RPS6KA2: variants seen among roughly 807,000 people sequenced by gnomAD.
RPS6KA2 encodes the protein ribosomal protein S6 kinase alpha-2.
In RPS6KA2, 42 loss-of-function variants were observed where a neutral mutation model predicts 91.8. The ratio of observed to expected loss-of-function variants is 0.46; its 90% CI spans 0.36 to 0.59. The LOEUF is 0.59. Ranked by LOEUF, RPS6KA2 falls within the 20% of genes least tolerant of loss-of-function variation. RPS6KA2 has a pLI of 0.00. For synonymous variants in RPS6KA2, 414 were observed against 393.6 expected (o/e 1.05, Z -0.61); for missense variants, 798 against 978.5 (o/e 0.82, Z 2.46).
Position 166,416,906 on chromosome 6 carries a change from T to A in RPS6KA2, c.1938+1319A>T, listed in dbSNP as rs562881838. On this transcript the variant is annotated intron_variant, in intron 19 of 20. Coordinates refer to ENST00000265678, the MANE Select transcript of RPS6KA2 (RefSeq NM_021135.6). ...ATTCCCGCCATTACCTCCACCATCA[T>A]CTCTACAATCATCACCTCCACGCTC... is the stretch of plus-strand genomic sequence containing the variant. 2.6e-5 allele frequency among the ~76,000 whole-genome samples: 4 copies of A among 152,236 alleles called. No homozygotes were observed. The East Asian group carries it at 7.7e-4, about 29-fold the overall frequency.
intron 10 of RPS6KA2, among the ~76,000 whole-genome samples, chr6:166,473,691 C>T (rs1172375173): frequency 6.6e-6 from 1 of 152,134 alleles, no homozygotes; most frequent in Non-Finnish European, 1.5e-5. Flanking sequence ...GTTTGGGACT[C>T]CTTTGCAATA....
intron 2 of RPS6KA2, among the ~76,000 whole-genome samples, chr6:166,817,197 G>A (rs1187489182): frequency 1.1e-5 from 1 of 88,384 alleles, no homozygotes; most frequent in Non-Finnish European, 3.2e-5. Flanking sequence ...TTCTTCCCCT[G>A]CTGCTCCCCC....
intron 2 of RPS6KA2, among the ~76,000 whole-genome samples, chr6:166,778,984 G>C (rs1778696821): frequency 6.6e-6 from 1 of 152,254 alleles, no homozygotes; most frequent in Admixed American, 6.5e-5. Flanking sequence ...GTCGATAGCA[G>C]ATTAACTTGA....
At chr6:166,740,161 T>G (rs1249283454) in intron 2 of RPS6KA2, among the ~76,000 whole-genome samples, 1 of 152,146 alleles carries the variant, frequency 6.6e-6, no homozygotes, top group East Asian at 1.9e-4. Context: ...GTGACTAGGG[T>G]GTGGTCTGAC....
rs1788683075 is a variant in RPS6KA2 at position 166,678,513 on chromosome 6, TTC to T, written c.124-139731_124-139730del. 1.3e-5 allele frequency among the ~76,000 whole-genome samples: 2 copies of T among 152,290 alleles called. 1 individual carries two copies. Among genetic ancestry groups the T allele is most frequent in the South Asian group, 4.1e-4 (2 of 4,830 alleles). ...AAACTCAGTTTCCTGCCTTCAATCCTTCTCTCTTTTATTTCACAGAAGGAACT... is the reference window on the plus strand; with the variant it reads ...AAACTCAGTTTCCTGCCTTCAATCCTTCTCTTTTATTTCACAGAAGGAACT... On this transcript the variant is annotated intron_variant, in intron 2 of 21. Transcript: ENST00000503859.
chr6:166,760,217 C>T (rs1163900178), intron 2 of RPS6KA2, among the ~76,000 whole-genome samples: 2 of 152,116 alleles, frequency 1.3e-5, no homozygotes, highest in South Asian at 2.1e-4. Flanking sequence ...TGGGGAATGG[C>T]GATTTGGAGA....
rs1410991309 is a variant in RPS6KA2, at chr6:166,702,116, C to G, written c.123+156084G>C. 45 of 1,518,342 alleles carry G rather than the reference C, an allele frequency of 3.0e-5. No individual in the cohort carries two copies. In the East Asian group the frequency reaches 9.5e-4, roughly 32 times the overall value. 94.1% of individuals were successfully genotyped at this position (1,518,342 alleles called of 1,614,324 possible). On this transcript the variant is annotated intron_variant, in intron 2 of 21. Coordinates refer to the RPS6KA2 transcript ENST00000503859. Reference sequence around the variant, plus strand: ...GATAGTAATCGACTTCTCAGCAGCCCCTGCATTTTCTTTACGGTGGACATC... The same window carrying G: ...GATAGTAATCGACTTCTCAGCAGCCGCTGCATTTTCTTTACGGTGGACATC...
intron 2 of RPS6KA2, among the ~76,000 whole-genome samples, chr6:166,841,317 A>G (rs1159593760): frequency 2.6e-5 from 4 of 152,242 alleles, no homozygotes; most frequent in African/African-American, 9.6e-5. Flanking sequence ...AAGATACTGC[A>G]TTCTAGTAAG....
rs751385395 is a variant in RPS6KA2 at position 166,412,842 on chromosome 6, C to T, written c.2122G>A (p.Ala708Thr). ...GACAGCACGGGCTCCAGCCGCGGGG[C>T]CTGAGGTGTTCTGTTTAGAGCAAAG... is the stretch of plus-strand genomic sequence containing the variant. ...TYFALNRTPQ[A>T]PRLEPVLSSN... Residue 708 changes from alanine (A) to threonine (T), a missense_variant, in exon 21 of 21, where the codon GCC (alanine) becomes ACC (threonine). Ala to Thr is a moderately conservative substitution (Grantham distance 58, BLOSUM62 0). Transcript: ENST00000265678. The surrounding 1 kb of genome is among the most constrained non-coding windows in gnomAD (Gnocchi z 4.3). 7.0e-6 allele frequency: 11 copies of T among 1,571,400 alleles called. No homozygotes were observed. Among genetic ancestry groups the T allele is most frequent in the African/African-American group, 4.0e-5 (3 of 74,388 alleles).
intron 2 of RPS6KA2, among the ~76,000 whole-genome samples, chr6:166,760,470 C>T (rs79632164): frequency 6.6e-6 from 1 of 152,188 alleles, no homozygotes; most frequent in South Asian, 2.1e-4. Flanking sequence ...GATCATCGCA[C>T]AGAGTATGTG....
At chr6:166,753,292 C>G (rs1342168512) in intron 2 of RPS6KA2, among the ~76,000 whole-genome samples, 4 of 152,230 alleles carry the variant, frequency 2.6e-5, no homozygotes, top group African/African-American at 7.2e-5. Context: ...TCTGCTTATA[C>G]AGCAGCACTC....
rs563166079 is a variant in RPS6KA2, at chr6:166,507,390, C to CACACACACA, written c.459+812_459+813insTGTGTGTGT. On this transcript the variant is annotated intron_variant, in intron 5 of 20. Coordinates refer to ENST00000265678, the MANE Select transcript of RPS6KA2 (RefSeq NM_021135.6). ...CCAACACACACACACACACACACACCCACCCCACATCACACATAGCACACA... is the reference window on the plus strand; with the variant it reads ...CCAACACACACACACACACACACACCACACACACACACCCCACATCACACATAGCACACA... 4.8e-5 allele frequency among the ~76,000 whole-genome samples: 7 copies of CACACACACA among 146,514 alleles called. No individual in the cohort carries two copies. The East Asian group carries it at 1.0e-3, about 21-fold the overall frequency.
Position 166,625,054 on chromosome 6 carries a change from G to C in RPS6KA2, c.99+1867C>G, listed in dbSNP as rs562903367. Among the ~76,000 whole-genome samples the C allele has an allele frequency of 2.0e-5, 3 of 152,072 alleles. No homozygotes were observed. In the East Asian group the frequency reaches 5.8e-4, roughly 29 times the overall value. ...TCTCCATGTTGGCCAGAATGGTCTC[G>C]ATCTCCTGACCTCATAATCCGCCCG... On this transcript the variant is annotated intron_variant, in intron 1 of 20. Coordinates refer to ENST00000265678, the MANE Select transcript of RPS6KA2 (RefSeq NM_021135.6).
chr6:166,639,502 A>G lies in RPS6KA2; in HGVS notation c.124-100718T>C, dbSNP rs1054685151. 6.6e-6 allele frequency among the ~76,000 whole-genome samples: 1 copy of G among 152,204 alleles called. No individual in the cohort carries two copies. Among genetic ancestry groups the G allele is most frequent in the Admixed American group, 6.5e-5 (1 of 15,282 alleles). On this transcript the variant is annotated intron_variant, in intron 2 of 21. Coordinates refer to the RPS6KA2 transcript ENST00000503859. This position sits in a 1 kb window ranked among gnomAD's most constrained non-coding sequence, Gnocchi z 4.2. ...ATCCTTCTAGAAGCGAATCTGGTTC[A>G]GTTACCCCAGGGCATGCATAGCTCC...
Position 166,419,187 on chromosome 6 carries a change from C to A in RPS6KA2, c.1820+695G>T, listed in dbSNP as rs573991962. 1.3e-5 allele frequency among the ~76,000 whole-genome samples: 2 copies of A among 152,186 alleles called. No homozygotes were observed. The highest frequency in any genetic ancestry group is 4.8e-5 in the African/African-American group (2 of 41,440). Reference sequence around the variant, plus strand: ...CCATTTTGCTACAGCAAACAGGATTCGATGGTCTAGGGTTCTTTTCTTTTT... The same window carrying A: ...CCATTTTGCTACAGCAAACAGGATTAGATGGTCTAGGGTTCTTTTCTTTTT... On this transcript the variant is annotated intron_variant, in intron 18 of 20. Coordinates refer to ENST00000265678, the MANE Select transcript of RPS6KA2 (RefSeq NM_021135.6). This position sits in a 1 kb window ranked among gnomAD's most constrained non-coding sequence, Gnocchi z 5.6.
chr6:166,565,835 ATGGATGCAGAGGTCACCGC>A (rs1469226135), intron 1 of RPS6KA2, among the ~76,000 whole-genome samples: 2 of 152,172 alleles, frequency 1.3e-5, no homozygotes, highest in African/African-American at 2.4e-5. Flanking sequence ...GGGACTCCAC[ATGGATGCAGAGGTCACCGC>A]TGGCCATTTC....
Position 166,616,968 on chromosome 6 carries a change from C to T in RPS6KA2, c.99+9953G>A, listed in dbSNP as rs573239562. On this transcript the variant is annotated intron_variant, in intron 1 of 20. Coordinates refer to ENST00000265678, the MANE Select transcript of RPS6KA2 (RefSeq NM_021135.6). The stretch of plus-strand genomic sequence containing the variant: ...GAACAAATGAATGTGGGAGAAAGAA[C>T]TGAGCCCAGAAGGTTCATGGGTCCA... 1.3e-3 allele frequency among the ~76,000 whole-genome samples: 204 copies of T among 152,340 alleles called. 1 individual carries two copies. Among genetic ancestry groups the T allele is most frequent in the African/African-American group, 4.8e-3 (198 of 41,580 alleles).
At chr6:166,819,617 T>C (rs1488281752) in intron 2 of RPS6KA2, among the ~76,000 whole-genome samples, 1 of 151,990 alleles carries the variant, frequency 6.6e-6, no homozygotes, top group South Asian at 2.1e-4. Context: ...GAGTATACTA[T>C]ACTTCATTTA....
intron 8 of RPS6KA2, among the ~76,000 whole-genome samples, chr6:166,496,996 A>G (rs1442021848): frequency 1.3e-5 from 2 of 152,176 alleles, no homozygotes; most frequent in Admixed American, 6.5e-5. Context: ...CCAGGGTCAC[A>G]CAGGAAACCC....
Sources: gnomAD v4.1 joint callset for allele counts (sites outside exome capture counted in the v4.1 genomes callset) on GRCh38, gnomAD v4.1.1 for gene constraint, Gnocchi (gnomAD v3.1) non-coding constraint, MANE v1.5 for transcripts, NCBI Gene and HGNC (gene_info 2026-07-23, HGNC 2026-07-21) for gene names.